NDUFAF2: variants seen among roughly 807,000 people sequenced by gnomAD.
NDUFAF2 encodes NADH dehydrogenase [ubiquinone] 1 alpha subcomplex assembly factor 2.
NDUFAF2 carries 13 observed loss-of-function variants against 22.8 expected under a neutral mutation model. The ratio of observed to expected loss-of-function variants is 0.57; its 90% confidence interval spans 0.37 to 0.91. The LOEUF is 0.91. NDUFAF2 is among the 40% of genes least tolerant of loss of function. The probability of loss-of-function intolerance (pLI) is 0.01; values close to 1 mark genes in which losing one functional copy is unlikely to be tolerated. For synonymous variants in NDUFAF2, 53 were observed against 64.2 expected (o/e 0.83, Z 0.84); for missense variants, 162 against 195.2 (o/e 0.83, Z 1.01).
chr5:61,056,292 C>A (rs1162303336), intron 1 of NDUFAF2, among the ~76,000 whole-genome samples: 2 of 152,102 alleles, frequency 1.3e-5, no homozygotes, highest in Non-Finnish European at 2.9e-5. Flanking sequence ...TACCATGTGG[C>A]ATATCTTACT....
intron 1 of NDUFAF2, among the ~76,000 whole-genome samples, chr5:61,008,833 A>G (rs1428787863): frequency 6.6e-6 from 1 of 152,070 alleles, no homozygotes; most frequent in Non-Finnish European, 1.5e-5. Context: ...TAGAAGAAAT[A>G]TTGACTAGGG....
intron 3 of NDUFAF2, among the ~76,000 whole-genome samples, chr5:61,146,710 A>G (rs1741143717): frequency 6.6e-6 from 1 of 152,112 alleles, no homozygotes; most frequent in Admixed American, 6.5e-5. Flanking sequence ...TGAGCTTCTT[A>G]GATCTGTGAA....
Position 61,073,138 on chromosome 5 carries a change from A to C in NDUFAF2, c.141A>C (p.Arg47=). The change falls in exon 2 of 4, where the codon CGA becomes CGC. Residue 47 remains arginine, a synonymous_variant. Transcript: ENST00000296597. The stretch of plus-strand genomic sequence containing the variant: ...TTTGTCTTATAGGACAAACTATTCG[A>C]GAGAAAAGAATTGTAGAAGCAGCAA... The part of the protein sequence containing the change: ...QYKNWRGQTI[R]EKRIVEAANK... 2.5e-6 allele frequency: 4 copies of C among 1,610,396 alleles called. No homozygotes were observed. The highest frequency in any genetic ancestry group is 3.4e-6 in the Non-Finnish European group (4 of 1,176,962).
intron 1 of NDUFAF2, among the ~76,000 whole-genome samples, chr5:61,048,313 GCTAA>G (rs930216842): frequency 1.9e-4 from 29 of 152,106 alleles, no homozygotes; most frequent in African/African-American, 5.8e-4. Flanking sequence ...ATTATTTCTC[GCTAA>G]CTAACTCAGT....
chr5:61,038,111 A>AGG (rs1484409305), intron 1 of NDUFAF2, among the ~76,000 whole-genome samples: 1 of 148,914 alleles, frequency 6.7e-6, no homozygotes, highest in African/African-American at 2.5e-5. Context: ...AGAGAGAGAG[A>AGG]GAGAGGGAGA....
intron 3 of NDUFAF2, among the ~76,000 whole-genome samples, chr5:61,139,316 G>A (rs78420685): frequency 0.024 from 3,701 of 152,206 alleles, 63 homozygotes; most frequent in Non-Finnish European, 0.038. Flanking sequence ...TGATGAGAAG[G>A]TATTGTATGG....
At chr5:61,069,126 C>CTTTTTTTT (rs71606660) in intron 1 of NDUFAF2, among the ~76,000 whole-genome samples, 1 of 136,898 alleles carries the variant, frequency 7.3e-6, no homozygotes. Flanking sequence ...AATGTTAGTG[C>CTTTTTTTT]TTTTTTTTTT....
intron 1 of NDUFAF2, among the ~76,000 whole-genome samples, chr5:60,984,140 G>T (rs1356302740): frequency 1.3e-5 from 2 of 152,094 alleles, no homozygotes; most frequent in Admixed American, 6.5e-5. Context: ...TGGATTCCTA[G>T]GTATTTTATT....
chr5:61,035,775 A>G (rs1369218177), intron 1 of NDUFAF2, among the ~76,000 whole-genome samples: 4 of 152,104 alleles, frequency 2.6e-5, no homozygotes, highest in Non-Finnish European at 4.4e-5. Context: ...CCAATTTGTC[A>G]ATAATAAATT....
chr5:61,082,683 G>T (rs964129335), intron 2 of NDUFAF2, among the ~76,000 whole-genome samples: 1 of 152,080 alleles, frequency 6.6e-6, no homozygotes, highest in Non-Finnish European at 1.5e-5. Context: ...CATCCATGTT[G>T]CTGCAAAGGA....
intron 1 of NDUFAF2, among the ~76,000 whole-genome samples, chr5:60,978,199 C>T (rs1164051900): frequency 6.6e-6 from 1 of 152,142 alleles, no homozygotes; most frequent in Non-Finnish European, 1.5e-5. Flanking sequence ...TAAGACCAGC[C>T]CTAGTCAGAA....
At chr5:61,014,482 G>C (rs1751481956) in intron 1 of NDUFAF2, among the ~76,000 whole-genome samples, 1 of 152,228 alleles carries the variant, frequency 6.6e-6, no homozygotes, top group South Asian at 2.1e-4. Context: ...CCTGAGTTCT[G>C]TGAGCTGTGC....
intron 3 of NDUFAF2, among the ~76,000 whole-genome samples, chr5:61,128,305 G>A (rs1016269048): frequency 3.3e-5 from 5 of 152,022 alleles, no homozygotes; most frequent in East Asian, 3.9e-4. Context: ...CTACTTTAAA[G>A]TTCATATGGA....
At chr5:61,043,721 G>A (rs566146338) in intron 1 of NDUFAF2, among the ~76,000 whole-genome samples, 3 of 148,662 alleles carry the variant, frequency 2.0e-5, no homozygotes, top group Admixed American at 6.7e-5. Flanking sequence ...GTGTGTGTGT[G>A]TATCTACATC....
At chr5:61,111,465 C>T (rs1308339392) in intron 3 of NDUFAF2, among the ~76,000 whole-genome samples, 1 of 152,024 alleles carries the variant, frequency 6.6e-6, no homozygotes, top group Non-Finnish European at 1.5e-5. Context: ...AAAATGGGGT[C>T]TCACTCTGTC....
chr5:61,038,955 A>C (rs1018983858), intron 1 of NDUFAF2, among the ~76,000 whole-genome samples: 4 of 152,032 alleles, frequency 2.6e-5, no homozygotes, highest in Non-Finnish European at 5.9e-5. Flanking sequence ...TATTTATAGA[A>C]GACAAAGTAC....
rs576459544 is a variant in NDUFAF2 at position 61,094,636 on chromosome 5, A to G, written c.218-4356A>G. On this transcript the variant is annotated intron_variant, in intron 2 of 3. Transcript: ENST00000296597. Reference sequence around the variant, plus strand: ...ATCTTTGTGGACTTATCTACCTTTGATCTTTGAAGTTGCTGACCTTTGGAT... The same window carrying G: ...ATCTTTGTGGACTTATCTACCTTTGGTCTTTGAAGTTGCTGACCTTTGGAT... 7.2e-5 allele frequency among the ~76,000 whole-genome samples: 11 copies of G among 152,192 alleles called. No homozygotes were observed. In the South Asian group the frequency reaches 1.9e-3, roughly 26 times the overall value.
intron 3 of NDUFAF2, among the ~76,000 whole-genome samples, chr5:61,141,909 A>G (rs1741065473): frequency 6.6e-6 from 1 of 152,140 alleles, no homozygotes; most frequent in South Asian, 2.1e-4. Context: ...CCCCGACAGC[A>G]GCTGGCACAT....
chr5:61,017,679 G>A (rs1452896213), intron 1 of NDUFAF2, among the ~76,000 whole-genome samples: 4 of 152,142 alleles, frequency 2.6e-5, no homozygotes, highest in Non-Finnish European at 5.9e-5. Flanking sequence ...CAGGAGTAGA[G>A]GATTGCTTGA....
Sources: allele counts gnomAD v4.1 joint callset (sites outside exome capture counted in the v4.1 genomes callset), GRCh38; gene constraint gnomAD v4.1.1; transcripts MANE v1.5; gene names NCBI Gene and HGNC (gene_info 2026-07-23, HGNC 2026-07-21).